Variants in CDKAL1 observed in about 807,000 individuals in gnomAD.
The protein encoded by CDKAL1 is threonylcarbamoyladenosine tRNA methylthiotransferase.
Under a neutral mutation model 68.2 loss-of-function variants are expected in CDKAL1, and 32 were observed. The ratio of observed to expected loss-of-function variants is 0.47; its 90% CI spans 0.35 to 0.63. The LOEUF is 0.63. Among genes scored for constraint, CDKAL1 ranks in the 30% least tolerant of loss-of-function variants. The pLI is 0.00. For synonymous variants in CDKAL1, 234 were observed against 244.3 expected (o/e 0.96, Z 0.39); for missense variants, 606 against 696.7 (o/e 0.87, Z 1.47).
chr6:20,729,457 A>C (rs1381493872), intron 5 of CDKAL1, among the ~76,000 whole-genome samples: 1 of 152,178 alleles, frequency 6.6e-6, no homozygotes, highest in East Asian at 1.9e-4. Context: ...CTTTATAAAA[A>C]TTGGACATAG....
chr6:20,880,213 A>G (rs1375290443), intron 9 of CDKAL1, among the ~76,000 whole-genome samples: 2 of 152,078 alleles, frequency 1.3e-5, no homozygotes, highest in East Asian at 1.9e-4. Flanking sequence ...AGTAAGCTCT[A>G]CATAGCTGGT....
rs868124437 is a variant in CDKAL1 at position 20,663,756 on chromosome 6, T to C, written c.371+14379T>C. Among the ~76,000 whole-genome samples, 14 of 152,144 alleles carry C rather than the reference T, an allele frequency of 9.2e-5. 1 individual carries two copies. Among genetic ancestry groups the C allele is most frequent in the Middle Eastern group, 6.3e-3 (2 of 316 alleles). ...ATAAGCCTGATTTAAAACCTAGATATTTTAAAATAATTTAGACATAAAACA... is the reference window on the plus strand; with the variant it reads ...ATAAGCCTGATTTAAAACCTAGATACTTTAAAATAATTTAGACATAAAACA... On this transcript the variant is annotated intron_variant, in intron 5 of 15. Transcript: ENST00000274695.
chr6:20,856,911 G>A (rs528926595), intron 9 of CDKAL1, among the ~76,000 whole-genome samples: 2 of 152,268 alleles, frequency 1.3e-5, no homozygotes, highest in South Asian at 2.1e-4. Flanking sequence ...TATTGATTCC[G>A]CAGAGTCTGC....
intron 4 of CDKAL1, among the ~76,000 whole-genome samples, chr6:20,569,099 G>T (rs1764596237): frequency 6.6e-6 from 1 of 152,180 alleles, no homozygotes; most frequent in African/African-American, 2.4e-5. Context: ...ATAGAGCATA[G>T]AGGTGGTTTC....
chr6:20,899,660 T>C (rs1761869613), intron 9 of CDKAL1, among the ~76,000 whole-genome samples: 1 of 152,048 alleles, frequency 6.6e-6, no homozygotes, highest in Non-Finnish European at 1.5e-5. Context: ...CTGGCCAACA[T>C]GGTGAAAAAC....
At chr6:21,051,588 C>A (rs967557996) in intron 11 of CDKAL1, among the ~76,000 whole-genome samples, 1 of 152,050 alleles carries the variant, frequency 6.6e-6, no homozygotes, top group African/African-American at 2.4e-5. Context: ...TGGCATTTTC[C>A]CCCTTTCTCA....
At chr6:20,670,550 A>G (rs1037218284) in intron 5 of CDKAL1, among the ~76,000 whole-genome samples, 2 of 152,080 alleles carry the variant, frequency 1.3e-5, no homozygotes, top group Non-Finnish European at 2.9e-5. Flanking sequence ...TTTTGTACAA[A>G]CAGGCAGAAG....
intron 5 of CDKAL1, among the ~76,000 whole-genome samples, chr6:20,702,196 C>T (rs544855796): frequency 5.3e-4 from 80 of 152,314 alleles, no homozygotes; most frequent in African/African-American, 1.9e-3. Flanking sequence ...TTCAGTCTCC[C>T]ACTGCTCGAA....
At chr6:20,768,334 C>A (rs1022536427) in intron 7 of CDKAL1, among the ~76,000 whole-genome samples, 1 of 152,120 alleles carries the variant, frequency 6.6e-6, no homozygotes, top group Non-Finnish European at 1.5e-5. Flanking sequence ...GAAGTGCATG[C>A]GTCTGTAATA....
At chr6:20,907,144 A>G (rs1561874584) in intron 9 of CDKAL1, among the ~76,000 whole-genome samples, 1 of 152,178 alleles carries the variant, frequency 6.6e-6, no homozygotes, top group Non-Finnish European at 1.5e-5. Context: ...AGTTCTGAAG[A>G]TTGATGGTTG....
chr6:20,769,479 G>A (rs972990177), intron 7 of CDKAL1, among the ~76,000 whole-genome samples: 1 of 151,764 alleles, frequency 6.6e-6, no homozygotes. Flanking sequence ...GGCTGGTCTC[G>A]AACTCCTTGC....
intron 5 of CDKAL1, chr6:20,722,291 C>G (rs1041622784): frequency 1.3e-5 from 2 of 157,600 alleles, no homozygotes; most frequent in Non-Finnish European, 2.8e-5. Context: ...TGAACCTTCC[C>G]TCAAGATTTT....
chr6:21,048,508 A>G (rs1007703524), intron 11 of CDKAL1, among the ~76,000 whole-genome samples: 4 of 151,994 alleles, frequency 2.6e-5, no homozygotes, highest in African/African-American at 9.7e-5. Context: ...GTGTGTGTAT[A>G]TATATATTTT....
At chr6:20,844,871 G>A (rs1048953620) in intron 8 of CDKAL1, among the ~76,000 whole-genome samples, 1 of 152,054 alleles carries the variant, frequency 6.6e-6, no homozygotes, top group Non-Finnish European at 1.5e-5. Flanking sequence ...AGAACAACTG[G>A]GAGACTAGAA....
At chr6:20,722,019 C>T (rs1222856054) in intron 5 of CDKAL1, among the ~76,000 whole-genome samples, 17 of 152,230 alleles carry the variant, frequency 1.1e-4, no homozygotes, top group African/African-American at 4.1e-4. Flanking sequence ...GCGTGAGCCA[C>T]CGTGCCTGGC....
intron 4 of CDKAL1, among the ~76,000 whole-genome samples, chr6:20,591,900 G>A (rs900626429): frequency 1.3e-5 from 2 of 152,108 alleles, no homozygotes; most frequent in Non-Finnish European, 2.9e-5. Context: ...TTTTCTAATT[G>A]TGTGAAGAAA....
chr6:20,561,844 T>A (rs1392851465), intron 4 of CDKAL1, among the ~76,000 whole-genome samples: 2 of 152,140 alleles, frequency 1.3e-5, no homozygotes, highest in East Asian at 1.9e-4. Flanking sequence ...ATAAATGCAG[T>A]GTGTATGGGA....
At chr6:20,907,694 G>C (rs1020207517) in intron 9 of CDKAL1, among the ~76,000 whole-genome samples, 3 of 152,082 alleles carry the variant, frequency 2.0e-5, no homozygotes, top group African/African-American at 4.8e-5. Flanking sequence ...GCTGAGTGGC[G>C]GCGGGAGGGC....
At chr6:20,987,464 A>T (rs1417414906) in intron 10 of CDKAL1, among the ~76,000 whole-genome samples, 1 of 152,114 alleles carries the variant, frequency 6.6e-6, no homozygotes, top group East Asian at 1.9e-4. Context: ...CATGTTGGCC[A>T]GGCTGGTCTT....
Sources: allele counts gnomAD v4.1 joint callset (sites outside exome capture counted in the v4.1 genomes callset), GRCh38; gene constraint gnomAD v4.1.1; transcripts MANE v1.5; gene names NCBI Gene and HGNC (gene_info 2026-07-23, HGNC 2026-07-21).